Variants in GMPS observed in about 807,000 individuals in gnomAD.
GMPS encodes guanosine monophosphate synthase, also known as GMP synthase [glutamine-hydrolyzing].
GMPS carries 15 observed loss-of-function variants against 77.9 expected under a neutral mutation model. That is an observed-to-expected ratio of 0.19 (90% CI 0.13 to 0.30). GMPS has a LOEUF of 0.30. Ranked by LOEUF, GMPS falls within the 10% of genes least tolerant of loss-of-function variation. GMPS has a pLI of 1.00. For missense variants in GMPS, 590 were observed against 838.8 expected (o/e 0.70, Z 3.66); for synonymous variants, 224 against 275.9 (o/e 0.81, Z 1.86).
chr3:155,907,047 A>T (rs182154466), intron 5 of GMPS, among the ~76,000 whole-genome samples: 1 of 152,306 alleles, frequency 6.6e-6, no homozygotes, highest in East Asian at 1.9e-4. Flanking sequence ...AATAAGTTGA[A>T]AAAAAGATTT....
At chr3:155,907,697 T>A (rs1754928869) in intron 5 of GMPS, among the ~76,000 whole-genome samples, 1 of 152,134 alleles carries the variant, frequency 6.6e-6, no homozygotes, top group Non-Finnish European at 1.5e-5. Flanking sequence ...AATCAGATAG[T>A]GTTTACATTG....
chr3:155,936,522 A>ATT lies in GMPS; in HGVS notation c.1980+18_1980+19dup. On this transcript the variant is annotated intron_variant, in intron 15 of 15. Coordinates refer to ENST00000496455, the MANE Select transcript of GMPS (RefSeq NM_003875.3). ...AGATCCCTGTAGAGGTAATTTATAT[A>ATT]TTTTTTTCTAATGCACGTTCTCAGT... 4 of 1,532,972 alleles carry ATT rather than the reference A, an allele frequency of 2.6e-6. No individual in the cohort carries two copies. In the South Asian group the frequency reaches 4.5e-5, roughly 17 times the overall value. 95.0% of individuals were successfully genotyped at this position (1,532,972 alleles called of 1,614,324 possible).
intron 13 of GMPS, among the ~76,000 whole-genome samples, 180 bp from the exon 14 acceptor site, chr3:155,934,736 C>T (rs946765643): frequency 6.6e-6 from 1 of 152,128 alleles, no homozygotes; most frequent in Admixed American, 6.6e-5. Context: ...CACAGACCTT[C>T]CTATAATCTT....
intron 11 of GMPS, among the ~76,000 whole-genome samples, chr3:155,923,984 G>A (rs1755389608): frequency 6.6e-6 from 1 of 152,092 alleles, no homozygotes; most frequent in African/African-American, 2.4e-5. Flanking sequence ...AGGTTTAAGC[G>A]ATTCTCCTGC....
chr3:155,933,028 C>A (rs940631153), intron 13 of GMPS, among the ~76,000 whole-genome samples: 3 of 152,010 alleles, frequency 2.0e-5, no homozygotes, highest in Admixed American at 2.0e-4. Flanking sequence ...TCCATCTCTA[C>A]AAAAAATACA....
intron 2 of GMPS, among the ~76,000 whole-genome samples, chr3:155,894,364 C>T (rs905266162): frequency 1.3e-5 from 2 of 152,072 alleles, no homozygotes; most frequent in African/African-American, 4.8e-5. Flanking sequence ...GCTGGAAGTA[C>T]AGGCGGATGC....
At chr3:155,906,740 C>T (rs191825567) in intron 5 of GMPS, among the ~76,000 whole-genome samples, 2 of 151,898 alleles carry the variant, frequency 1.3e-5, no homozygotes, top group South Asian at 2.1e-4. Context: ...TTTTAATGTC[C>T]AGGAGCTAAG....
At chr3:155,873,686 G>A (rs943972542) in intron 1 of GMPS, among the ~76,000 whole-genome samples, 1 of 123,772 alleles carries the variant, frequency 8.1e-6, no homozygotes, top group Non-Finnish European at 1.6e-5. Context: ...CCAGGCTGGA[G>A]TGCAGTGGTG....
rs568774726 is a variant in GMPS, at chr3:155,872,016, C to T, written c.27+1119C>T. ...CGATTTACTTCATTAAGATACACCTCCTCTGTACGCTGTTGAGGGCCTAGC... is the reference window on the plus strand; with the variant it reads ...CGATTTACTTCATTAAGATACACCTTCTCTGTACGCTGTTGAGGGCCTAGC... On this transcript the variant is annotated intron_variant, in intron 1 of 15. Transcript: ENST00000496455. Among the ~76,000 whole-genome samples the T allele has an allele frequency of 2.6e-5, 4 of 152,296 alleles. No homozygotes were observed. In the South Asian group the frequency reaches 8.3e-4, roughly 32 times the overall value.
At chr3:155,881,773 C>G (rs1754211481) in intron 1 of GMPS, among the ~76,000 whole-genome samples, 1 of 152,094 alleles carries the variant, frequency 6.6e-6, no homozygotes, top group African/African-American at 2.4e-5. Flanking sequence ...AACATTAAGA[C>G]TGCTTAAAGC....
chr3:155,906,548 T>G (rs988853487), intron 5 of GMPS, among the ~76,000 whole-genome samples: 10 of 152,230 alleles, frequency 6.6e-5, no homozygotes, highest in African/African-American at 2.2e-4. Flanking sequence ...ACTATACTTT[T>G]GTAACTCAGG....
At chr3:155,925,193 A>C (rs762622594) in intron 11 of GMPS, 48 bp from the exon 12 acceptor site, 2 of 1,542,810 alleles carry the variant, frequency 1.3e-6, no homozygotes, top group African/African-American at 2.8e-5. Context: ...AAAAGAGTGA[A>C]TACCTTATTT....
intron 4 of GMPS, 71 bp from the exon 5 acceptor site, chr3:155,906,089 C>A: frequency 3.6e-6 from 3 of 841,578 alleles, no homozygotes; most frequent in Non-Finnish European, 3.6e-6. Flanking sequence ...GCTTGTGTTT[C>A]TAAAACAAAA....
intron 8 of GMPS, among the ~76,000 whole-genome samples, chr3:155,915,678 C>T (rs529414864): frequency 2.6e-5 from 4 of 152,172 alleles, no homozygotes; most frequent in Middle Eastern, 3.4e-3. Flanking sequence ...GGATTACAGG[C>T]GTGAGCCACC....
At chr3:155,877,725 A>G (rs1214556711) in intron 1 of GMPS, among the ~76,000 whole-genome samples, 1 of 151,808 alleles carries the variant, frequency 6.6e-6, no homozygotes, top group Non-Finnish European at 1.5e-5. Flanking sequence ...AGGGACCTGC[A>G]GATTCAGTGC....
At chr3:155,900,571 G>A (rs1754712257) in intron 3 of GMPS, among the ~76,000 whole-genome samples, 2 of 152,168 alleles carry the variant, frequency 1.3e-5, no homozygotes, top group South Asian at 4.1e-4. Context: ...AAATACGTCT[G>A]AAAAATGCTC....
chr3:155,871,365 C>T (rs1011596957), intron 1 of GMPS, among the ~76,000 whole-genome samples: 1 of 152,124 alleles, frequency 6.6e-6, no homozygotes, highest in Non-Finnish European at 1.5e-5. Context: ...GCCTCCTGTG[C>T]GGCGTTGGAG....
chr3:155,929,833 AAC>A (rs2108140451), intron 12 of GMPS, among the ~76,000 whole-genome samples: 1 of 98,840 alleles, frequency 1.0e-5, no homozygotes, highest in African/African-American at 3.9e-5. Context: ...CTTCAAGGAG[AAC>A]TACAAACCAC....
At chr3:155,904,541 G>A (rs1449629476) in intron 4 of GMPS, among the ~76,000 whole-genome samples, 1 of 151,988 alleles carries the variant, frequency 6.6e-6, no homozygotes, top group Admixed American at 6.6e-5. Context: ...TGTCCACCTC[G>A]GCCTCCCAAA....
Sources: gnomAD v4.1 joint callset for allele counts (sites outside exome capture counted in the v4.1 genomes callset) on GRCh38, gnomAD v4.1.1 for gene constraint, MANE v1.5 for transcripts, NCBI Gene and HGNC (gene_info 2026-07-23, HGNC 2026-07-21) for gene names.